The following SNX8 variants were observed in gnomAD, a reference collection of about 807,000 sequenced individuals.
SNX8 encodes sorting nexin-8.
A neutral mutation model predicts 51.6 loss-of-function variants in SNX8; 25 were observed. That is an observed-to-expected ratio of 0.48 (90% CI 0.35 to 0.68). SNX8 has a LOEUF of 0.68. Among genes scored for constraint, SNX8 ranks in the 30% least tolerant of loss-of-function variants. The pLI, the probability that SNX8 is intolerant of heterozygous loss-of-function variation, is 0.00. For synonymous variants in SNX8, 324 were observed against 277.0 expected (o/e 1.17, Z -1.68); for missense variants, 695 against 624.0 (o/e 1.11, Z -1.21).
intron 7 of SNX8, 117 bp from the exon 8 acceptor site, chr7:2,257,920 C>G: frequency 1.1e-6 from 1 of 947,116 alleles, no homozygotes; most frequent in Non-Finnish European, 1.7e-6. Flanking sequence ...CAGACGGGCT[C>G]CCCAGGACCA....
intron 1 of SNX8, among the ~76,000 whole-genome samples, chr7:2,287,729 G>A: frequency 6.6e-6 from 1 of 152,064 alleles, no homozygotes; most frequent in East Asian, 1.9e-4. Context: ...CTCCAGCCTG[G>A]GCGACAGAGT....
intron 1 of SNX8, chr7:2,309,915 C>T (rs1346635500): frequency 2.1e-6 from 1 of 469,334 alleles, no homozygotes; most frequent in Non-Finnish European, 4.4e-6. Flanking sequence ...CCCCGAGGGT[C>T]AGCAAAGGCC....
At chr7:2,340,908 G>C (rs1251450724) in intron 1 of SNX8, among the ~76,000 whole-genome samples, 1 of 145,608 alleles carries the variant, frequency 6.9e-6, no homozygotes, top group African/African-American at 2.5e-5. Context: ...CAGTACTCGG[G>C]TACAGTGGCT....
intron 1 of SNX8, among the ~76,000 whole-genome samples, chr7:2,286,855 T>C (rs1458119619): frequency 6.6e-6 from 1 of 152,002 alleles, no homozygotes; most frequent in African/African-American, 2.4e-5. Flanking sequence ...AAAATTAATT[T>C]TTTGGCCAGG....
chr7:2,287,527 C>T (rs1354581119), intron 1 of SNX8, among the ~76,000 whole-genome samples: 2 of 149,864 alleles, frequency 1.3e-5, no homozygotes, highest in East Asian at 2.0e-4. Context: ...TGCAGTGAGC[C>T]GAGATCACGC....
intron 10 of SNX8, 149 bp from the exon 11 acceptor site, chr7:2,255,318 CCCATCCTGCA>C: frequency 1.7e-6 from 1 of 600,770 alleles, no homozygotes; most frequent in Non-Finnish European, 2.9e-6. Context: ...ACCAGTGCTG[CCCATCCTGCA>C]CAGAGGAAGC....
intron 1 of SNX8, among the ~76,000 whole-genome samples, chr7:2,293,665 A>T (rs1437242090): frequency 6.8e-6 from 1 of 147,724 alleles, no homozygotes; most frequent in African/African-American, 2.5e-5. Context: ...CCATCTCAAA[A>T]ATTAAAAAAA....
At chr7:2,337,869 GA>G (rs1234813889) in intron 1 of SNX8, among the ~76,000 whole-genome samples, 1 of 109,938 alleles carries the variant, frequency 9.1e-6, no homozygotes, top group Non-Finnish European at 2.1e-5. Flanking sequence ...AAAAAAAAGG[GA>G]AAAGAAAAAC....
intron 1 of SNX8, among the ~76,000 whole-genome samples, chr7:2,320,441 C>A (rs913376517): frequency 5.9e-5 from 9 of 152,094 alleles, no homozygotes; most frequent in African/African-American, 1.9e-4. Context: ...TGGCTAGCAG[C>A]TGGGCACAGC....
intron 4 of SNX8, 120 bp from the exon 5 acceptor site, chr7:2,269,759 G>A (rs1795598851): frequency 5.0e-6 from 3 of 594,090 alleles, no homozygotes; most frequent in South Asian, 2.2e-5. Context: ...ATTTCCATAT[G>A]TTGGCTTTGA....
At chr7:2,281,460 G>A (rs994556396) in intron 1 of SNX8, among the ~76,000 whole-genome samples, 1 of 151,956 alleles carries the variant, frequency 6.6e-6, no homozygotes, top group South Asian at 2.1e-4. Flanking sequence ...ATTTCAAATG[G>A]GTACACTGCC....
chr7:2,311,316 G>A (rs952360588), intron 1 of SNX8, among the ~76,000 whole-genome samples: 34 of 152,214 alleles, frequency 2.2e-4, no homozygotes, highest in African/African-American at 7.7e-4. Flanking sequence ...CTTAGTGAAC[G>A]TGTAAGTCAC....
rs935805582 is a variant in SNX8 at position 2,307,321 on chromosome 7, C to T, written c.94+7007G>A. Reference sequence around the variant, plus strand: ...ATAGTAGAAATATGCAGAGCGTGGCCGCGCTCCAGTTTCTCAGAGGATGAC... The same window carrying T: ...ATAGTAGAAATATGCAGAGCGTGGCTGCGCTCCAGTTTCTCAGAGGATGAC... On this transcript the variant is annotated intron_variant, in intron 1 of 10. Coordinates refer to ENST00000222990, the MANE Select transcript of SNX8 (RefSeq NM_013321.4). 4.6e-5 allele frequency among the ~76,000 whole-genome samples: 7 copies of T among 151,918 alleles called. No individual in the cohort carries two copies. In the East Asian group the frequency reaches 7.7e-4, roughly 17 times the overall value.
intron 1 of SNX8, among the ~76,000 whole-genome samples, chr7:2,350,653 T>C (rs531089532): frequency 6.8e-6 from 1 of 146,838 alleles, no homozygotes; most frequent in South Asian, 2.2e-4. Flanking sequence ...CTAAAAACAA[T>C]TTTTTTTTTT....
At chr7:2,284,049 C>T (rs566374398) in intron 1 of SNX8, among the ~76,000 whole-genome samples, 2 of 152,336 alleles carry the variant, frequency 1.3e-5, no homozygotes, top group East Asian at 3.9e-4. Context: ...CCCGCCTCTG[C>T]TTCCCAAATT....
chr7:2,306,016 C>T (rs1237878466), intron 1 of SNX8, among the ~76,000 whole-genome samples: 1 of 152,340 alleles, frequency 6.6e-6, no homozygotes, highest in Admixed American at 6.5e-5. Flanking sequence ...GAACTACCAG[C>T]CTAATTGGTA....
At chr7:2,270,251 G>A (rs143979352) in intron 4 of SNX8, among the ~76,000 whole-genome samples, 21 of 129,408 alleles carry the variant, frequency 1.6e-4, no homozygotes, top group East Asian at 1.5e-3. Flanking sequence ...AGCTGTTTGC[G>A]TGTCCAGGAA....
At chr7:2,309,527 T>G (rs1279041925) in intron 1 of SNX8, among the ~76,000 whole-genome samples, 1 of 150,798 alleles carries the variant, frequency 6.6e-6, no homozygotes, top group Non-Finnish European at 1.5e-5. Flanking sequence ...AGGTTGGGAG[T>G]TCGAGACCAG....
At chr7:2,274,524 T>A (rs914297961) in intron 3 of SNX8, among the ~76,000 whole-genome samples, 7 of 152,184 alleles carry the variant, frequency 4.6e-5, no homozygotes, top group African/African-American at 1.7e-4. Context: ...GACACAGGCC[T>A]GGGGAGCAGC....
Sources: gnomAD v4.1 joint callset for allele counts (sites outside exome capture counted in the v4.1 genomes callset) on GRCh38, gnomAD v4.1.1 for gene constraint, MANE v1.5 for transcripts, NCBI Gene and HGNC (gene_info 2026-07-23, HGNC 2026-07-21) for gene names.